The following CUBN variants were observed in gnomAD, a reference collection of about 807,000 sequenced individuals.
The protein encoded by CUBN is 460 kDa receptor.
CUBN carries 282 observed loss-of-function variants against 405.3 expected under a neutral mutation model. The observed-to-expected ratio is 0.70, with a 90% CI of 0.63 to 0.77. The LOEUF is 0.77. Ranked by LOEUF, CUBN falls within the 30% of genes least tolerant of loss-of-function variation. The probability of loss-of-function intolerance (pLI) is 0.00; values close to 1 mark genes in which losing one functional copy is unlikely to be tolerated. For synonymous variants in CUBN, 1,684 were observed against 1,617.0 expected (o/e 1.04, Z -0.99); for missense variants, 4,514 against 4,475.2 (o/e 1.01, Z -0.25).
At chr10:17,073,785 T>A (rs1196138435) in intron 17 of CUBN, among the ~76,000 whole-genome samples, 1 of 152,104 alleles carries the variant, frequency 6.6e-6, no homozygotes, top group East Asian at 1.9e-4. Context: ...ATGAATACAG[T>A]CTATGGACTT....
At chr10:16,890,890 C>T (rs1840985902) in intron 54 of CUBN, among the ~76,000 whole-genome samples, 1 of 152,110 alleles carries the variant, frequency 6.6e-6, no homozygotes, top group Admixed American at 6.6e-5. Flanking sequence ...GGAACTCAGC[C>T]CTGCTCCTGG....
intron 58 of CUBN, among the ~76,000 whole-genome samples, chr10:16,872,628 C>T (rs1272535427): frequency 2.6e-5 from 4 of 152,146 alleles, no homozygotes; most frequent in African/African-American, 9.7e-5. Context: ...CACCAGACAA[C>T]GAATCTGCCT....
intron 56 of CUBN, among the ~76,000 whole-genome samples, chr10:16,886,585 T>C (rs1410723029): frequency 6.6e-6 from 1 of 152,138 alleles, no homozygotes; most frequent in Non-Finnish European, 1.5e-5. Context: ...GTGTCTATTG[T>C]CAGTCAAAGC....
rs1564391160 is a variant in CUBN, at chr10:16,862,189, C to CACAT, written c.9454+7446_9454+7447insATGT. Among the ~76,000 whole-genome samples, 18 of 151,476 alleles carry CACAT rather than the reference C, an allele frequency of 1.2e-4. 1 individual carries two copies. The highest frequency in any genetic ancestry group is 5.3e-4 in the Admixed American group (8 of 15,196). On this transcript the variant is annotated intron_variant, in intron 59 of 66. Coordinates refer to ENST00000377833, the MANE Select transcript of CUBN (RefSeq NM_001081.4). ...ACACACACACACACACACACACACA[C>CACAT]ACACATCACATCCCTGGGTATTTTT...
rs755210947 is a variant in CUBN, at chr10:16,840,350, G to T, written c.10012C>A (p.Gln3338Lys). 6 of 1,614,062 alleles carry T rather than the reference G, an allele frequency of 3.7e-6. No homozygotes were observed. The East Asian group carries it at 1.1e-4, about 30-fold the overall frequency. ...TSQDCTQNYL[Q>K]LQDSPQGHGN... ...GTTACCTGCGGTGAGTCCTGAAGCTGTAAGTAATTCTGCGTGCAGTCTTGC... is the reference window on the plus strand; with the variant it reads ...GTTACCTGCGGTGAGTCCTGAAGCTTTAAGTAATTCTGCGTGCAGTCTTGC... The change falls in exon 62 of 67, where the codon CAG becomes AAG. Residue 3338 changes from glutamine to lysine, a missense_variant. Gln to Lys is a moderately conservative substitution (Grantham distance 53, BLOSUM62 1). Around this residue, in one of 5 missense-constraint regions of CUBN, gnomAD observed 1,186 missense variants for 1,186.9 expected, o/e 1.00. Transcript: ENST00000377833.
Position 16,913,917 on chromosome 10 carries a change from C to G in CUBN, c.7427G>C (p.Arg2476Pro), listed in dbSNP as rs201485176. ...PNYPNPNPHG[R>P]ICEWRITAPE... is the part of the protein sequence containing the mutation. ...GGCAGTGATTCTCCACTCGCAGATCCGGCCATGAGGATTTGGGTTCGGGTA... is the reference window on the plus strand; with the variant it reads ...GGCAGTGATTCTCCACTCGCAGATCGGGCCATGAGGATTTGGGTTCGGGTA... The change falls in exon 48 of 67, where the codon CGG (arginine) becomes CCG (proline). Residue 2476 changes from arginine (R) to proline (P), a missense_variant. This residue lies in a region of CUBN where 1,613 missense variants were observed against 1,542.8 expected (regional missense o/e 1.05). Coordinates refer to ENST00000377833, the MANE Select transcript of CUBN (RefSeq NM_001081.4). The G allele has an allele frequency of 1.2e-6, 2 of 1,614,058 alleles. No individual in the cohort carries two copies. Among genetic ancestry groups the G allele is most frequent in the South Asian group, 1.1e-5 (1 of 91,066 alleles).
At chr10:17,069,361 G>A (rs1387569221) in intron 19 of CUBN, among the ~76,000 whole-genome samples, 1 of 152,140 alleles carries the variant, frequency 6.6e-6, no homozygotes, top group African/African-American at 2.4e-5. Context: ...AAGTAGAATT[G>A]CTGGATCAGA....
At chr10:17,092,985 G>C (rs1238876529) in intron 14 of CUBN, among the ~76,000 whole-genome samples, 1 of 152,036 alleles carries the variant, frequency 6.6e-6, no homozygotes, top group Non-Finnish European at 1.5e-5. Context: ...TCATTTTCAG[G>C]CATTGAGAAC....
chr10:16,851,997 C>A (rs1588587058), intron 59 of CUBN, among the ~76,000 whole-genome samples: 2 of 120,306 alleles, frequency 1.7e-5, no homozygotes, highest in Non-Finnish European at 3.5e-5. Flanking sequence ...TCCCTCCCTC[C>A]CTCTATCTTT....
intron 31 of CUBN, among the ~76,000 whole-genome samples, chr10:16,962,008 G>A (rs752101020): frequency 3.3e-5 from 5 of 152,218 alleles, no homozygotes; most frequent in Middle Eastern, 6.8e-3. Context: ...CATGGCGCCC[G>A]GCCGGAAAAG....
intron 31 of CUBN, among the ~76,000 whole-genome samples, chr10:16,957,875 T>C (rs1352907644): frequency 1.4e-5 from 2 of 148,142 alleles, no homozygotes; most frequent in Non-Finnish European, 3.0e-5. Flanking sequence ...CAATGGGTTC[T>C]ATGGTGTTTA....
At chr10:17,069,660 C>T (rs766696373) in intron 19 of CUBN, among the ~76,000 whole-genome samples, 1 of 152,190 alleles carries the variant, frequency 6.6e-6, no homozygotes, top group Non-Finnish European at 1.5e-5. Context: ...CCTCCTACCA[C>T]AGCCTTCTGA....
At chr10:16,905,175 A>G (rs114474925) in intron 50 of CUBN, among the ~76,000 whole-genome samples, 1,636 of 152,334 alleles carry the variant, frequency 0.011, 28 homozygotes, top group African/African-American at 0.037. Context: ...AGTATGGATG[A>G]TTACGTACTA....
chr10:17,084,259 A>G lies in CUBN; in HGVS notation c.2301+12T>C. On this transcript the variant is annotated intron_variant, in intron 17 of 66. Coordinates refer to ENST00000377833, the MANE Select transcript of CUBN (RefSeq NM_001081.4). ...GAATGTCATCTAAGGGCGATTGAGT[A>G]GTGAAAGTTACCTCAATGTAATTCT... The G allele has an allele frequency of 6.2e-7, 1 of 1,612,432 alleles. No individual in the cohort carries two copies. The highest frequency in any genetic ancestry group is 1.1e-5 in the South Asian group (1 of 91,016).
At chr10:17,054,861 G>T (rs1175703187) in intron 22 of CUBN, among the ~76,000 whole-genome samples, 1 of 151,926 alleles carries the variant, frequency 6.6e-6, no homozygotes, top group Non-Finnish European at 1.5e-5. Context: ...TAATTTCACT[G>T]GTGGAATTGT....
chr10:16,874,936 T>C (rs1209824350), intron 57 of CUBN, among the ~76,000 whole-genome samples: 1 of 152,078 alleles, frequency 6.6e-6, no homozygotes, highest in Non-Finnish European at 1.5e-5. Flanking sequence ...AAATCTGAAA[T>C]AATAGAGATC....
rs374025753 is a variant in CUBN, at chr10:16,825,587, T to A, written c.10765-505A>T. On this transcript the variant is annotated intron_variant, in intron 66 of 66. Transcript: ENST00000377833. ...GTATTTTCATCCTCAGTGTTTATAG[T>A]TTTTCCTCTTGAGATTTATTTTCAT... is the stretch of plus-strand genomic sequence containing the variant. Among the ~76,000 whole-genome samples, 8 of 151,958 alleles carry A rather than the reference T, an allele frequency of 5.3e-5. No individual in the cohort carries two copies. In the East Asian group the frequency reaches 7.7e-4, roughly 15 times the overall value.
chr10:16,857,421 G>A (rs1839894635), intron 59 of CUBN, among the ~76,000 whole-genome samples: 1 of 152,120 alleles, frequency 6.6e-6, no homozygotes, highest in Admixed American at 6.5e-5. Flanking sequence ...AAAGAACTTA[G>A]GAGAAGGAAA....
intron 56 of CUBN, among the ~76,000 whole-genome samples, chr10:16,885,730 T>C (rs1203327962): frequency 6.6e-6 from 1 of 152,198 alleles, no homozygotes; most frequent in Non-Finnish European, 1.5e-5. Flanking sequence ...AGCATTGCTT[T>C]CTGTGGCTTT....
Sources: gnomAD v4.1 joint callset for allele counts (sites outside exome capture counted in the v4.1 genomes callset) on GRCh38, gnomAD v4.1.1 for gene constraint, gnomAD v4.1.1 regional missense constraint, MANE v1.5 for transcripts, NCBI Gene and HGNC (gene_info 2026-07-23, HGNC 2026-07-21) for gene names.